Variants in CRYBG1 observed in about 807,000 individuals in gnomAD.
CRYBG1 encodes beta/gamma crystallin domain-containing protein 1.
A neutral mutation model predicts 189.2 loss-of-function variants in CRYBG1; 139 were observed. That is an observed-to-expected ratio of 0.73 (90% CI 0.64 to 0.85). CRYBG1 has a LOEUF of 0.85. Ranked by LOEUF, CRYBG1 falls within the 40% of genes least tolerant of loss-of-function variation. The pLI is 0.00. For synonymous variants in CRYBG1, 1,023 were observed against 1,017.1 expected, an observed-to-expected ratio of 1.01 and a Z score of -0.11; for missense variants, 2,611 against 2,675.8, an observed-to-expected ratio of 0.98 and a Z score of 0.53.
At chr6:106,483,315 A>G (rs1772509450) in intron 2 of CRYBG1, among the ~76,000 whole-genome samples, 1 of 150,534 alleles carries the variant, frequency 6.6e-6, no homozygotes, top group Non-Finnish European at 1.5e-5. Flanking sequence ...ATTGCCTCAA[A>G]TGACAGGATT....
At chr6:106,389,336 G>A (rs886115291) in intron 1 of CRYBG1, among the ~76,000 whole-genome samples, 1 of 152,016 alleles carries the variant, frequency 6.6e-6, no homozygotes, top group Non-Finnish European at 1.5e-5. Flanking sequence ...GAACTCAGTG[G>A]TAAAATTAAA....
At chr6:106,478,075 GT>G (rs1194406244) in intron 2 of CRYBG1, among the ~76,000 whole-genome samples, 10 of 152,248 alleles carry the variant, frequency 6.6e-5, no homozygotes, top group Admixed American at 2.0e-4. Context: ...TGGGATGTGA[GT>G]GGGTGAGATC....
intron 16 of CRYBG1, among the ~76,000 whole-genome samples, chr6:106,554,547 G>A (rs1774489040): frequency 6.6e-6 from 1 of 152,058 alleles, no homozygotes; most frequent in Non-Finnish European, 1.5e-5. Context: ...AGGAGGCAGA[G>A]GTTGCAGTAA....
intron 2 of CRYBG1, among the ~76,000 whole-genome samples, chr6:106,479,125 G>A (rs564982278): frequency 1.3e-5 from 2 of 152,218 alleles, no homozygotes; most frequent in East Asian, 1.9e-4. Context: ...ATGAACATGC[G>A]GGTTGTTTCC....
intron 2 of CRYBG1, among the ~76,000 whole-genome samples, chr6:106,475,425 G>A (rs549990557): frequency 6.6e-6 from 1 of 152,324 alleles, no homozygotes; most frequent in East Asian, 1.9e-4. Context: ...GTAAGCTTAG[G>A]TAGTCAGGGA....
chr6:106,570,130 C>T lies in CRYBG1; in HGVS notation c.*1564C>T, dbSNP rs986706736. On this transcript the variant is annotated 3_prime_UTR_variant, in exon 22 of 22. Transcript: ENST00000633556. The stretch of plus-strand genomic sequence containing the variant: ...TTGAATATATTCTTCCTCTTTTTGT[C>T]CTCATCACTCAATACTGGTGCTCTT... The T allele has an allele frequency of 6.6e-6, 1 of 152,180 alleles. No individual in the cohort carries two copies. The highest frequency in any genetic ancestry group is 1.5e-5 in the Non-Finnish European group (1 of 68,030). The allele number at this position is 152,180 out of a possible 1,614,324, so 9.4% of individuals were successfully genotyped here.
chr6:106,502,210 T>C (rs190390108), intron 2 of CRYBG1, among the ~76,000 whole-genome samples: 65 of 152,346 alleles, frequency 4.3e-4, no homozygotes, highest in Middle Eastern at 3.4e-3. Context: ...GGTTCTTTAG[T>C]ACTTAGATTC....
At chr6:106,483,574 C>A (rs767908569) in intron 2 of CRYBG1, among the ~76,000 whole-genome samples, 27 of 151,834 alleles carry the variant, frequency 1.8e-4, no homozygotes, top group Non-Finnish European at 3.2e-4. Context: ...CTATTTTTAA[C>A]TTTTTGAGGA....
chr6:106,427,939 G>C (rs952635104), intron 1 of CRYBG1, among the ~76,000 whole-genome samples: 1 of 152,112 alleles, frequency 6.6e-6, no homozygotes, highest in Admixed American at 6.5e-5. Flanking sequence ...TGTTCCCTCT[G>C]TATGGTAATG....
rs369009162 is a variant in CRYBG1, at chr6:106,519,570, G to A, written c.2362G>A (p.Asp788Asn). 1 of 1,614,206 alleles carries A rather than the reference G, an allele frequency of 6.2e-7. No homozygotes were observed. The highest frequency in any genetic ancestry group is 8.5e-7 in the Non-Finnish European group (1 of 1,180,030). Residue 788 changes from aspartate (D) to asparagine (N), a missense_variant, in exon 4 of 22, where the codon GAT becomes AAT. Around this residue, in one of 3 missense-constraint regions of CRYBG1, gnomAD observed 1,622 missense variants for 1,735.0 expected, o/e 0.93. Transcript: ENST00000633556. ...GPQPNQDDKA[D>N]VQTDAGCLSE... Reference sequence around the variant, plus strand: ...TCAGCCTAACCAAGATGATAAAGCAGATGTACAAACAGATGCTGGCTGCCT... The same window carrying A: ...TCAGCCTAACCAAGATGATAAAGCAAATGTACAAACAGATGCTGGCTGCCT...
intron 2 of CRYBG1, 77 bp downstream of exon 2, chr6:106,451,909 T>G: frequency 7.8e-7 from 1 of 1,274,742 alleles, no homozygotes; most frequent in Non-Finnish European, 1.0e-6. Context: ...ATAGCCTGTC[T>G]AAGAAACACA....
chr6:106,515,801 ATTTATTTT>A (rs1285497236), intron 3 of CRYBG1, among the ~76,000 whole-genome samples: 2 of 143,246 alleles, frequency 1.4e-5, no homozygotes, highest in African/African-American at 2.7e-5. Context: ...TTATTTATTT[ATTTATTTT>A]TGAGACAGGA....
intron 18 of CRYBG1, 134 bp downstream of exon 18, chr6:106,558,759 T>C: frequency 1.4e-6 from 1 of 706,922 alleles, no homozygotes; most frequent in South Asian, 3.3e-5. Context: ...ATCCAGGGAT[T>C]CAAGAAAAGC....
intron 1 of CRYBG1, among the ~76,000 whole-genome samples, chr6:106,436,019 A>T (rs955266585): frequency 9.9e-5 from 15 of 152,238 alleles, no homozygotes; most frequent in African/African-American, 3.4e-4. Flanking sequence ...ATATTTTATT[A>T]AATTATGTAA....
Position 106,511,858 on chromosome 6 carries a change from T to A in CRYBG1, c.741T>A (p.Asp247Glu), listed in dbSNP as rs757729225. The change falls in exon 3 of 22, where the codon GAT becomes GAA. Residue 247 changes from aspartate (D) to glutamate (E), a missense_variant. Transcript: ENST00000633556. The stretch of plus-strand genomic sequence containing the variant: ...AGGCAGAGGGAGAGCCTTTCCCAGA[T>A]GCCACCACCACTGCCAAGCAGCTGC... ...PLEAEGEPFPDATTTAKQLHS... is the reference protein window; with the variant it reads ...PLEAEGEPFPEATTTAKQLHS... The A allele has an allele frequency of 1.3e-6, 2 of 1,514,844 alleles. No individual in the cohort carries two copies. Among genetic ancestry groups the A allele is most frequent in the South Asian group, 1.2e-5 (1 of 82,054 alleles). 93.8% of individuals were successfully genotyped at this position (1,514,844 alleles called of 1,614,324 possible). A position where few individuals can be genotyped will look rare whatever the true frequency, so the allele number is the denominator to read the frequency against.
intron 1 of CRYBG1, among the ~76,000 whole-genome samples, chr6:106,386,687 C>T (rs946879291): frequency 6.7e-6 from 1 of 148,594 alleles, no homozygotes; most frequent in Admixed American, 6.7e-5. Context: ...ATAGGGGTCA[C>T]ACTCCTATGA....
At chr6:106,380,517 C>A (rs145024226) in intron 1 of CRYBG1, among the ~76,000 whole-genome samples, 175 of 152,236 alleles carry the variant, frequency 1.1e-3, no homozygotes, top group African/African-American at 4.0e-3. Flanking sequence ...TTACCCGTTT[C>A]TGTGACAACC....
intron 1 of CRYBG1, among the ~76,000 whole-genome samples, chr6:106,427,438 C>A (rs57811389): frequency 6.6e-6 from 1 of 152,280 alleles, no homozygotes; most frequent in East Asian, 1.9e-4. Flanking sequence ...TCCTGGAAAC[C>A]TTTCGTCCTC....
At chr6:106,538,092 C>T (rs550063393) in intron 8 of CRYBG1, among the ~76,000 whole-genome samples, 10 of 152,236 alleles carry the variant, frequency 6.6e-5, no homozygotes, top group South Asian at 2.1e-4. Flanking sequence ...TGGAGTACCA[C>T]GGCTAAAACA....
Sources: allele counts gnomAD v4.1 joint callset (sites outside exome capture counted in the v4.1 genomes callset), GRCh38; gene constraint gnomAD v4.1.1; regional missense constraint gnomAD v4.1.1; transcripts MANE v1.5; gene names NCBI Gene and HGNC (gene_info 2026-07-23, HGNC 2026-07-21).